The following OR51B5 variants were observed in gnomAD, a reference collection of about 807,000 sequenced individuals.
OR51B5 encodes olfactory receptor 51B5.
For missense variants in OR51B5, 456 were observed against 374.6 expected (o/e 1.22, Z -1.79); for synonymous variants, 186 against 144.8 (o/e 1.28, Z -2.04).
At chr11:5,358,286 T>A (rs7121626) in intron 1 of OR51B5, among the ~76,000 whole-genome samples, 9 of 151,988 alleles carry the variant, frequency 5.9e-5, no homozygotes, top group Non-Finnish European at 1.0e-4. Flanking sequence ...ATCAAATAGA[T>A]GCAATAAAAA....
At chr11:5,468,306 G>A (rs1851168639) in intron 1 of OR51B5, among the ~76,000 whole-genome samples, 1 of 152,160 alleles carries the variant, frequency 6.6e-6, no homozygotes, top group Admixed American at 6.6e-5. Flanking sequence ...ACAACATAGG[G>A]CAGCCTGATG....
rs770544493 is a variant in OR51B5, at chr11:5,342,861, T to C, written c.664A>G (p.Thr222Ala). 28 of 1,613,074 alleles carry C rather than the reference T, an allele frequency of 1.7e-5. 1 individual carries two copies. The South Asian group carries it at 2.6e-4, about 15-fold the overall frequency. Residue 222 changes from threonine (T) to alanine (A), a missense_variant, in exon 1 of 1, where the codon ACT becomes GCT. Physicochemically the swap from Thr to Ala is moderately conservative, Grantham distance 58. Transcript: ENST00000300773. ...TCTCTGGAGGCAATGCTCAGGACAG[T>C]CTTGAGTATCAACACATAGGAGATG...
chr11:5,404,055 T>C (rs558099638), intron 1 of OR51B5, among the ~76,000 whole-genome samples: 1 of 151,154 alleles, frequency 6.6e-6, no homozygotes, highest in East Asian at 1.9e-4. Flanking sequence ...AACTTGGAAG[T>C]CTTGAAGACT....
At chr11:5,497,085 A>C (rs1590030608) in intron 1 of OR51B5, among the ~76,000 whole-genome samples, 1 of 152,094 alleles carries the variant, frequency 6.6e-6, no homozygotes, top group African/African-American at 2.4e-5. Context: ...AAGGAAAGAG[A>C]GGAGAAGGAA....
chr11:5,359,839 G>A (rs76720221), intron 1 of OR51B5, among the ~76,000 whole-genome samples: 23,232 of 151,080 alleles, frequency 0.15, 2,150 homozygotes, highest in Non-Finnish European at 0.21. Context: ...AAATAATGCC[G>A]CATGTCTACA....
intron 1 of OR51B5, among the ~76,000 whole-genome samples, chr11:5,423,907 C>T (rs1850400145): frequency 6.6e-6 from 1 of 151,276 alleles, no homozygotes; most frequent in Non-Finnish European, 1.5e-5. Context: ...ATTTTTTTTC[C>T]GGACCAGAGC....
intron 1 of OR51B5, among the ~76,000 whole-genome samples, chr11:5,396,740 C>G (rs184431822): frequency 1.3e-5 from 2 of 151,606 alleles, no homozygotes; most frequent in Non-Finnish European, 2.9e-5. Flanking sequence ...GAGCCCGCAT[C>G]GCCAAGTCAA....
rs1850887279 is a variant in OR51B5 at position 5,453,399 on chromosome 11, C to T, written n.84+52170G>A. On this transcript the variant is annotated intron_variant and non_coding_transcript_variant, in intron 1 of 4. Coordinates refer to the OR51B5 transcript ENST00000415970. ...AACATCATCGCTTTGTCTCTTATCTCCTGATTTCTTGTCCTCCAGCAAGTG... is the reference window on the plus strand; with the variant it reads ...AACATCATCGCTTTGTCTCTTATCTTCTGATTTCTTGTCCTCCAGCAAGTG... 3 of 896,486 alleles carry T rather than the reference C, an allele frequency of 3.3e-6. No individual in the cohort carries two copies. The South Asian group carries it at 6.1e-5, about 18-fold the overall frequency. The allele number at this position is 896,486 out of a possible 1,614,324, so 55.5% of individuals were successfully genotyped here.
intron 1 of OR51B5, among the ~76,000 whole-genome samples, chr11:5,484,121 C>A (rs1441138633): frequency 1.3e-5 from 2 of 152,170 alleles, no homozygotes; most frequent in Admixed American, 6.5e-5. Context: ...AAACTCATGT[C>A]TCTTGTGCAG....
intron 1 of OR51B5, chr11:5,449,301 G>A (rs1590001568): frequency 6.6e-6 from 1 of 152,230 alleles, no homozygotes; most frequent in Non-Finnish European, 1.5e-5. Context: ...TGGCAAGGAT[G>A]AATTCACTTC....
rs77844927 is a variant in OR51B5 at position 5,437,679 on chromosome 11, A to C, written n.84+67890T>G. ...AAGGGATTGAGATTCAAATGAGAAGAAGGAAGTCATAGGTTTGTTTCTTTT... is the reference window on the plus strand; with the variant it reads ...AAGGGATTGAGATTCAAATGAGAAGCAGGAAGTCATAGGTTTGTTTCTTTT... On this transcript the variant is annotated intron_variant and non_coding_transcript_variant, in intron 1 of 4. Transcript: ENST00000415970. Among the ~76,000 whole-genome samples, 1,348 of 152,336 alleles carry C rather than the reference A, an allele frequency of 8.8e-3. 19 individuals are homozygous for C. The highest frequency in any genetic ancestry group is 0.031 in the African/African-American group (1,299 of 41,586).
intron 1 of OR51B5, among the ~76,000 whole-genome samples, chr11:5,446,562 C>T (rs1337814267): frequency 6.6e-6 from 1 of 152,134 alleles, no homozygotes; most frequent in Non-Finnish European, 1.5e-5. Flanking sequence ...TTTATATCAA[C>T]TCAGTATTTA....
chr11:5,486,459 A>T (rs531899572), intron 1 of OR51B5, among the ~76,000 whole-genome samples: 1 of 144,958 alleles, frequency 6.9e-6, no homozygotes, highest in African/African-American at 2.6e-5. Flanking sequence ...GAGGAGGAGG[A>T]GAGGGAAGAA....
intron 1 of OR51B5, among the ~76,000 whole-genome samples, chr11:5,417,403 C>T (rs4910788): frequency 0.36 from 55,031 of 151,724 alleles, 10,071 homozygotes; most frequent in South Asian, 0.41. Flanking sequence ...AAAGCAATGG[C>T]AATAAAAGCC....
intron 1 of OR51B5, among the ~76,000 whole-genome samples, chr11:5,365,912 A>G (rs1003999217): frequency 1.1e-4 from 17 of 152,150 alleles, no homozygotes; most frequent in African/African-American, 3.9e-4. Context: ...GAAGGGTCTG[A>G]CTGACCAGAG....
intron 1 of OR51B5, chr11:5,352,201 A>G: frequency 6.2e-7 from 1 of 1,614,204 alleles, no homozygotes; most frequent in Non-Finnish European, 8.5e-7. Flanking sequence ...TGGAGGAGAA[A>G]GGGCCAAGGC....
At chr11:5,505,253 TTTTG>T in intron 1 of OR51B5, 1 of 1,212,318 alleles carries the variant, frequency 8.2e-7, no homozygotes, top group Non-Finnish European at 1.1e-6. Context: ...CTATTAGGTT[TTTTG>T]TTTTTTTCCT....
chr11:5,381,345 C>T (rs1849607176), intron 1 of OR51B5, among the ~76,000 whole-genome samples: 1 of 152,158 alleles, frequency 6.6e-6, no homozygotes, highest in Non-Finnish European at 1.5e-5. Flanking sequence ...TGTGTTGATA[C>T]TTCACCTTCC....
At chr11:5,424,615 T>C (rs1421466636) in intron 1 of OR51B5, among the ~76,000 whole-genome samples, 1 of 151,988 alleles carries the variant, frequency 6.6e-6, no homozygotes, top group Non-Finnish European at 1.5e-5. Context: ...GCCTTCAGGC[T>C]GTTATTTAGG....
Sources: gnomAD v4.1 joint callset for allele counts (sites outside exome capture counted in the v4.1 genomes callset) on GRCh38, gnomAD v4.1.1 for gene constraint, MANE v1.5 for transcripts, NCBI Gene and HGNC (gene_info 2026-07-23, HGNC 2026-07-21) for gene names.